Variants in PTPRT observed in about 807,000 individuals in gnomAD.
PTPRT encodes the protein protein tyrosine phosphatase receptor type T.
In PTPRT, 56 loss-of-function variants were observed where a neutral mutation model predicts 176.8. That is an observed-to-expected ratio of 0.32 (90% CI 0.26 to 0.40). The LOEUF (loss-of-function observed/expected upper bound fraction) is 0.40, where lower values mean the gene tolerates loss of function less well. Among genes scored for constraint, PTPRT ranks in the 10% least tolerant of loss-of-function variants. The pLI, the probability that PTPRT is intolerant of heterozygous loss-of-function variation, is 1.00. For missense variants in PTPRT, 1,540 were observed against 1,908.2 expected (o/e 0.81, Z 3.60); for synonymous variants, 783 against 739.0 (o/e 1.06, Z -0.96).
At chr20:42,587,339 G>T (rs2073489565) in intron 7 of PTPRT, among the ~76,000 whole-genome samples, 1 of 152,206 alleles carries the variant, frequency 6.6e-6, no homozygotes, top group South Asian at 2.1e-4. Context: ...GCCCAGCATG[G>T]GGTCTGGCTC....
At chr20:42,435,539 C>G (rs2059255005) in intron 9 of PTPRT, among the ~76,000 whole-genome samples, 1 of 151,934 alleles carries the variant, frequency 6.6e-6, no homozygotes, top group Admixed American at 6.6e-5. Context: ...GCCAGTGAGA[C>G]CAGAGGGAAA....
In PTPRT at chr20:43,124,562, T is replaced by C. The variant is rs146743626; in HGVS notation, c.88+65084A>G. ...TAATGAGTAGTCACACAAAACATAA[T>C]TCAGAAGATAAATCACCTGCACATA... On this transcript the variant is annotated intron_variant, in intron 1 of 30. Coordinates refer to ENST00000373187, the MANE Select transcript of PTPRT (RefSeq NM_007050.6). 1.9e-4 allele frequency among the ~76,000 whole-genome samples: 29 copies of C among 152,292 alleles called. 1 individual carries two copies. The East Asian group carries it at 5.4e-3, about 28-fold the overall frequency.
chr20:42,610,719 A>G (rs562801717), intron 7 of PTPRT, among the ~76,000 whole-genome samples: 6 of 152,334 alleles, frequency 3.9e-5, no homozygotes, highest in South Asian at 2.1e-4. Context: ...ATACAATTAT[A>G]CAATTCATCC....
At chr20:42,050,314 C>T in the PTPRT span, among the ~76,000 whole-genome samples, 1 of 152,162 alleles carries the variant, frequency 6.6e-6, no homozygotes, top group African/African-American at 2.4e-5. Flanking sequence ...CAAATGCATA[C>T]TCTTGCCTAG....
At chr20:42,783,252 T>G (rs968328334) in intron 3 of PTPRT, among the ~76,000 whole-genome samples, 1 of 152,212 alleles carries the variant, frequency 6.6e-6, no homozygotes, top group South Asian at 2.1e-4. Flanking sequence ...GTGCTTTGTA[T>G]GTTAGCAAAA....
intron 7 of PTPRT, among the ~76,000 whole-genome samples, chr20:42,662,204 C>T (rs2075236079): frequency 6.6e-6 from 1 of 152,116 alleles, no homozygotes; most frequent in Non-Finnish European, 1.5e-5. Flanking sequence ...TCGTTCCTTG[C>T]CAAAACTGGT....
chr20:42,357,512 A>G (rs892650271), intron 9 of PTPRT, among the ~76,000 whole-genome samples: 2 of 152,080 alleles, frequency 1.3e-5, no homozygotes, highest in African/African-American at 4.8e-5. Flanking sequence ...TTATAATTCT[A>G]ATTTTAGTTT....
At chr20:42,912,166 T>C (rs1457357944) in intron 1 of PTPRT, among the ~76,000 whole-genome samples, 1 of 152,158 alleles carries the variant, frequency 6.6e-6, no homozygotes, top group Non-Finnish European at 1.5e-5. Flanking sequence ...AACACTACTA[T>C]CTGCAATGTA....
chr20:43,018,852 T>C (rs1311848835), intron 1 of PTPRT, among the ~76,000 whole-genome samples: 1 of 152,212 alleles, frequency 6.6e-6, no homozygotes, highest in African/African-American at 2.4e-5. Context: ...ATCAAGAGTT[T>C]AAGGAGTGGA....
intron 13 of PTPRT, among the ~76,000 whole-genome samples, chr20:42,273,457 C>T (rs1015624654): frequency 2.0e-5 from 3 of 152,148 alleles, no homozygotes; most frequent in African/African-American, 7.2e-5. Context: ...TCAGGTGATC[C>T]ACCCGCCTCA....
chr20:43,159,455 G>A (rs2014624536), intron 1 of PTPRT, among the ~76,000 whole-genome samples: 1 of 152,186 alleles, frequency 6.6e-6, no homozygotes, highest in Non-Finnish European at 1.5e-5. Context: ...CTATAAAATG[G>A]CAGGCATCAT....
chr20:43,132,855 T>A (rs1240195904), intron 1 of PTPRT, among the ~76,000 whole-genome samples: 2 of 152,158 alleles, frequency 1.3e-5, no homozygotes, highest in African/African-American at 4.8e-5. Context: ...AAAACTTGGA[T>A]AAAAGATTTA....
At chr20:42,952,597 G>T (rs2146020227) in intron 1 of PTPRT, among the ~76,000 whole-genome samples, 1 of 152,260 alleles carries the variant, frequency 6.6e-6, no homozygotes, top group South Asian at 2.1e-4. Flanking sequence ...GATAACTAAG[G>T]TGTGCAAATA....
At chr20:42,783,817 G>C (rs184399783) in intron 3 of PTPRT, among the ~76,000 whole-genome samples, 1 of 152,170 alleles carries the variant, frequency 6.6e-6, no homozygotes, top group Non-Finnish European at 1.5e-5. Context: ...GAGAAGTCTA[G>C]AGGTGACTCT....
At chr20:42,651,326 C>A (rs1404503238) in intron 7 of PTPRT, among the ~76,000 whole-genome samples, 1 of 152,154 alleles carries the variant, frequency 6.6e-6, no homozygotes, top group Non-Finnish European at 1.5e-5. Flanking sequence ...TATAGGCATA[C>A]CCTATTGATC....
intron 9 of PTPRT, among the ~76,000 whole-genome samples, chr20:42,355,245 TGA>T (rs1229704457): frequency 6.6e-6 from 1 of 152,144 alleles, no homozygotes; most frequent in African/African-American, 2.4e-5. Flanking sequence ...CCAATTTCCC[TGA>T]GAGGCTCAGC....
At chr20:42,725,924 T>G (rs1194943156) in intron 6 of PTPRT, among the ~76,000 whole-genome samples, 1 of 152,114 alleles carries the variant, frequency 6.6e-6, no homozygotes, top group Non-Finnish European at 1.5e-5. Context: ...ATGCCCCTTT[T>G]GATTACGGTG....
chr20:42,094,179 A>G (rs1368491659), intron 27 of PTPRT, among the ~76,000 whole-genome samples: 1 of 152,182 alleles, frequency 6.6e-6, no homozygotes, highest in East Asian at 1.9e-4. Flanking sequence ...TTTTGCAGAA[A>G]GGGATGTTGA....
chr20:42,293,939 T>C (rs1431054461), intron 12 of PTPRT, among the ~76,000 whole-genome samples: 1 of 152,086 alleles, frequency 6.6e-6, no homozygotes, highest in Non-Finnish European at 1.5e-5. Context: ...TTTTCCCACA[T>C]ATGATTCAAA....
Sources: allele counts gnomAD v4.1 joint callset (sites outside exome capture counted in the v4.1 genomes callset), GRCh38; gene constraint gnomAD v4.1.1; transcripts MANE v1.5; gene names NCBI Gene and HGNC (gene_info 2026-07-23, HGNC 2026-07-21).